The following STUB1 variants were observed in gnomAD, a reference collection of about 807,000 sequenced individuals.
STUB1 encodes STIP1 homology and U-box containing protein 1.
Under a neutral mutation model 40.3 loss-of-function variants are expected in STUB1, and 37 were observed. The ratio of observed to expected loss-of-function variants is 0.92; its 90% CI spans 0.71 to 1.21. STUB1 has a LOEUF of 1.21. Among genes scored for constraint, STUB1 ranks in the 50% most tolerant of loss-of-function variants. The pLI is 0.00. For missense variants in STUB1, 460 were observed against 421.9 expected (o/e 1.09, Z -0.79); for synonymous variants, 246 against 171.9 (o/e 1.43, Z -3.37).
rs374325615 is a variant in STUB1 at position 682,757 on chromosome 16, G to A, written c.*268G>A. ...AATCCGTGAGCACGAGGTGGGACGT[G>A]CTGGTGTGTGACCGGCAGTCCTGCC... On this transcript the variant is annotated 3_prime_UTR_variant, in exon 7 of 7. Transcript: ENST00000219548. 2.9e-5 allele frequency: 46 copies of A among 1,604,928 alleles called. No homozygotes were observed. Among genetic ancestry groups the A allele is most frequent in the Non-Finnish European group, 3.4e-5 (40 of 1,173,388 alleles).
At position 680,711 on chromosome 16, in the gene STUB1, G is replaced by A; in HGVS notation, c.159+27G>A. ...TGAGTGCGCCCGCGCGGGGAGGGCG[G>A]CGGCGGTGGCACCGGGGAGGGCCGG... On this transcript the variant is annotated intron_variant, in intron 1 of 6. Coordinates refer to ENST00000219548, the MANE Select transcript of STUB1 (RefSeq NM_005861.4). This position sits in a 1 kb window ranked among gnomAD's most constrained non-coding sequence, Gnocchi z 4.9. 1.7e-6 allele frequency: 2 copies of A among 1,207,886 alleles called. No individual in the cohort carries two copies. Among genetic ancestry groups the A allele is most frequent in the South Asian group, 3.9e-5 (1 of 25,804 alleles). 74.8% of individuals were successfully genotyped at this position (1,207,886 alleles called of 1,614,324 possible). A position where few individuals can be genotyped will look rare whatever the true frequency, so the allele number is the denominator to read the frequency against.
rs1442808845 is a variant in STUB1 at position 681,759 on chromosome 16, G to A, written c.525-34G>A. Reference sequence around the variant, plus strand: ...GGGGTGTGGTCAGACATCTGGCCAGGTCCATCTCTGACCGGCTCCTGGTCA... The same window carrying A: ...GGGGTGTGGTCAGACATCTGGCCAGATCCATCTCTGACCGGCTCCTGGTCA... On this transcript the variant is annotated intron_variant, in intron 3 of 6. Coordinates refer to ENST00000219548, the MANE Select transcript of STUB1 (RefSeq NM_005861.4). 5 of 1,571,498 alleles carry A rather than the reference G, an allele frequency of 3.2e-6. No homozygotes were observed. In the South Asian group the frequency reaches 5.8e-5, roughly 18 times the overall value.
chr16:682,340 C>A, intron 6 of STUB1, 24 bp from the exon 7 acceptor site: 1 of 1,613,032 alleles, frequency 6.2e-7, no homozygotes, highest in Middle Eastern at 1.6e-4. Flanking sequence ...CCATGACTGC[C>A]CTCTGCCCTT....
Position 681,330 on chromosome 16 carries a change from C to A in STUB1, c.338C>A (p.Ala113Asp). 6.2e-7 allele frequency: 1 copy of A among 1,612,888 alleles called. No individual in the cohort carries two copies. Among genetic ancestry groups the A allele is most frequent in the Non-Finnish European group, 8.5e-7 (1 of 1,179,954 alleles). The change falls in exon 2 of 7, where the codon GCC (alanine) becomes GAC (aspartate). Residue 113 changes from alanine to aspartate, a missense_variant. By Grantham distance (126) the Ala-to-Asp change is moderately radical. Transcript: ENST00000219548. ...CTGGAGATGGAGAGCTATGATGAGG[C>A]CATCGCCAATCTGCAGCGAGGTTGG... ...CQLEMESYDE[A>D]IANLQRAYSL...
rs941757224 is a variant in STUB1, at chr16:682,067, G to C, written c.660G>C (p.Glu220Asp). ...ACGAGCTTTTTTCTCAGGTGGATGA[G>C]AAGAGGAAGGTGAGTGTGTGTCGCT... ...DMDELFSQVDEKRKKRDIPDY... is the reference protein window; with the variant it reads ...DMDELFSQVDDKRKKRDIPDY... Residue 220 changes from glutamate to aspartate, a missense_variant, in exon 5 of 7, where the codon GAG becomes GAC. Transcript: ENST00000219548. 6.3e-7 allele frequency: 1 copy of C among 1,583,314 alleles called. No individual in the cohort carries two copies. The highest frequency in any genetic ancestry group is 1.3e-5 in the African/African-American group (1 of 74,602).
chr16:680,808 C>A lies in STUB1; in HGVS notation c.159+124C>A. On this transcript the variant is annotated intron_variant, in intron 1 of 6. Coordinates refer to ENST00000219548, the MANE Select transcript of STUB1 (RefSeq NM_005861.4). The surrounding 1 kb of genome is among the most constrained non-coding windows in gnomAD (Gnocchi z 4.9). ...CGTGTCCTCGGCTCCCAAAGCCCAG[C>A]CGTGGTTCTCGAGCCCAGCGCCGGG... 1 of 979,688 alleles carries A rather than the reference C, an allele frequency of 1.0e-6. No homozygotes were observed. The highest frequency in any genetic ancestry group is 1.3e-6 in the Non-Finnish European group (1 of 768,178). The allele number at this position is 979,688 out of a possible 1,614,324, so 60.7% of individuals were successfully genotyped here.
In STUB1 at chr16:682,180, G is replaced by T; in HGVS notation, c.685G>T (p.Asp229Tyr). The change falls in exon 6 of 7, where the codon GAC becomes TAC. Residue 229 changes from aspartate (D) to tyrosine (Y), a missense_variant. Coordinates refer to ENST00000219548, the MANE Select transcript of STUB1 (RefSeq NM_005861.4). The part of the protein sequence containing the change: ...DEKRKKRDIP[D>Y]YLCGKISFEL... Reference sequence around the variant, plus strand: ...TGTGCCACAGAAGCGAGACATCCCCGACTACCTGTGTGGCAAGATCAGCTT... The same window carrying T: ...TGTGCCACAGAAGCGAGACATCCCCTACTACCTGTGTGGCAAGATCAGCTT... The T allele has an allele frequency of 6.2e-7, 1 of 1,608,470 alleles. No individual in the cohort carries two copies. Among genetic ancestry groups the T allele is most frequent in the South Asian group, 1.1e-5 (1 of 90,990 alleles).
In STUB1 at chr16:681,821, G is replaced by C. The variant is rs757171182; in HGVS notation, c.553G>C (p.Glu185Gln). The part of the protein sequence containing the change: ...RELEECQRNH[E>Q]GDEDDSHVRA... ...GCTGGAAGAGTGCCAGCGAAACCAC[G>C]AGGGTGATGAGGACGACAGCCACGT... Residue 185 changes from glutamate (E) to glutamine (Q), a missense_variant, in exon 4 of 7, where the codon GAG (glutamate) becomes CAG (glutamine). Physicochemically the swap from Glu to Gln is conservative, Grantham distance 29 (BLOSUM62 2). Coordinates refer to ENST00000219548, the MANE Select transcript of STUB1 (RefSeq NM_005861.4). 6.8e-6 allele frequency: 11 copies of C among 1,607,450 alleles called. 1 individual carries two copies. Among genetic ancestry groups the C allele is most frequent in the Non-Finnish European group, 9.4e-6 (11 of 1,176,024 alleles).
rs1195990208 is a variant in STUB1, at chr16:680,912, C to T, written c.159+228C>T. On this transcript the variant is annotated intron_variant, in intron 1 of 6. Transcript: ENST00000219548. The surrounding 1 kb of genome is among the most constrained non-coding windows in gnomAD (Gnocchi z 4.9). Reference sequence around the variant, plus strand: ...GCAGGGGCCCTCGACCCTTGAGGACCCCAGGTCCTAAGCCCGGACTCTCCA... The same window carrying T: ...GCAGGGGCCCTCGACCCTTGAGGACTCCAGGTCCTAAGCCCGGACTCTCCA... The T allele has an allele frequency of 4.6e-6, 3 of 645,260 alleles. No homozygotes were observed. The highest frequency in any genetic ancestry group is 1.9e-5 in the African/African-American group (1 of 53,814). The allele number at this position is 645,260 out of a possible 1,614,324, so 40.0% of individuals were successfully genotyped here. A position where few individuals can be genotyped will look rare whatever the true frequency, so the allele number is the denominator to read the frequency against.
At chr16:682,125 G>A (rs1272501962) in intron 5 of STUB1, 40 bp from the exon 6 acceptor site, 3 of 1,589,182 alleles carry the variant, frequency 1.9e-6, no homozygotes, top group South Asian at 1.1e-5. Flanking sequence ...CTCGTGCAGT[G>A]CCCCTTTTCA....
rs2039631032 is a variant in STUB1, at chr16:680,449, G to GCGGGGCTC, written c.-73_-66dup. ...CCCGAGCGGATCGCGGGCTCGGGCT[G>GCGGGGCTC]CGGGGCTCCGGCTGCGGGCGCTGGG... On this transcript the variant is annotated 5_prime_UTR_variant, in exon 1 of 7. Transcript: ENST00000219548. The surrounding 1 kb of genome is among the most constrained non-coding windows in gnomAD (Gnocchi z 4.9). The GCGGGGCTC allele has an allele frequency of 1.7e-6, 2 of 1,147,058 alleles. No individual in the cohort carries two copies. The highest frequency in any genetic ancestry group is 2.1e-6 in the Non-Finnish European group (2 of 930,636). 71.1% of individuals were successfully genotyped at this position (1,147,058 alleles called of 1,614,324 possible).
At position 680,975 on chromosome 16, in the gene STUB1, G is replaced by GCGGATAGGC. The variant is rs2039641145; in HGVS notation, c.160-176_160-168dup. On this transcript the variant is annotated intron_variant, in intron 1 of 6. Coordinates refer to ENST00000219548, the MANE Select transcript of STUB1 (RefSeq NM_005861.4). This position sits in a 1 kb window ranked among gnomAD's most constrained non-coding sequence, Gnocchi z 4.9. ...ACTTTACAAAACCAAGTGGAATCAA[G>GCGGATAGGC]CGGATAGGCTCAGCCAGTACTCCAC... 2 of 718,194 alleles carry GCGGATAGGC rather than the reference G, an allele frequency of 2.8e-6. No homozygotes were observed. Among genetic ancestry groups the GCGGATAGGC allele is most frequent in the Non-Finnish European group, 4.4e-6 (2 of 449,772 alleles). The allele number at this position is 718,194 out of a possible 1,614,324, so 44.5% of individuals were successfully genotyped here.
Position 681,773 on chromosome 16 carries a change from G to C in STUB1, c.525-20G>C, listed in dbSNP as rs769775927. On this transcript the variant is annotated intron_variant, in intron 3 of 6. Coordinates refer to ENST00000219548, the MANE Select transcript of STUB1 (RefSeq NM_005861.4). Reference sequence around the variant, plus strand: ...CATCTGGCCAGGTCCATCTCTGACCGGCTCCTGGTCAACCCCCAGGGAGCT... The same window carrying C: ...CATCTGGCCAGGTCCATCTCTGACCCGCTCCTGGTCAACCCCCAGGGAGCT... 6.3e-7 allele frequency: 1 copy of C among 1,580,958 alleles called. No homozygotes were observed. Among genetic ancestry groups the C allele is most frequent in the Non-Finnish European group, 8.6e-7 (1 of 1,158,866 alleles).
chr16:680,638 T>C lies in STUB1; in HGVS notation c.113T>C (p.Val38Ala), dbSNP rs2039634555. The C allele has an allele frequency of 7.4e-7, 1 of 1,353,740 alleles. No homozygotes were observed. Among genetic ancestry groups the C allele is most frequent in the Non-Finnish European group, 9.6e-7 (1 of 1,042,354 alleles). 83.9% of individuals were successfully genotyped at this position (1,353,740 alleles called of 1,614,324 possible). Residue 38 changes from valine (V) to alanine (A), a missense_variant, in exon 1 of 7, where the codon GTG becomes GCG. Transcript: ENST00000219548. The surrounding 1 kb of genome is among the most constrained non-coding windows in gnomAD (Gnocchi z 4.9). The part of the protein sequence containing the change: ...ELKEQGNRLF[V>A]GRKYPEAAAC... ...AAGGAGCAGGGCAATCGTCTGTTCGTGGGCCGAAAGTACCCGGAGGCGGCG... is the reference window on the plus strand; with the variant it reads ...AAGGAGCAGGGCAATCGTCTGTTCGCGGGCCGAAAGTACCCGGAGGCGGCG...
rs1057326166 is a variant in STUB1, at chr16:682,688, G to C, written c.*199G>C. 1.1e-5 allele frequency: 16 copies of C among 1,442,982 alleles called. No homozygotes were observed. In the Admixed American group the frequency reaches 3.2e-4, roughly 29 times the overall value. 89.4% of individuals were successfully genotyped at this position (1,442,982 alleles called of 1,614,324 possible). On this transcript the variant is annotated 3_prime_UTR_variant, in exon 7 of 7. Transcript: ENST00000219548. ...TTTGTGGGCTGGAAAAGCAGGTGAG[G>C]GTGGGCTGGGCTGAGGCCATTGCCG... is the stretch of plus-strand genomic sequence containing the variant.
intron 3 of STUB1, 53 bp downstream of exon 3, chr16:681,656 C>T (rs2039657251): frequency 6.4e-7 from 1 of 1,572,900 alleles, no homozygotes; most frequent in South Asian, 1.1e-5. Flanking sequence ...GAATCACCGA[C>T]TCCCGACACA....
In STUB1 at chr16:682,185, C is replaced by G. The variant is rs1185371126; in HGVS notation, c.690C>G (p.Tyr230Ter). The G allele has an allele frequency of 6.2e-7, 1 of 1,609,584 alleles. No homozygotes were observed. Among genetic ancestry groups the G allele is most frequent in the Non-Finnish European group, 8.5e-7 (1 of 1,176,734 alleles). ...CACAGAAGCGAGACATCCCCGACTA[C>G]CTGTGTGGCAAGATCAGCTTTGAGC... ...EKRKKRDIPD[Y>*]LCGKISFELM... is the part of the protein sequence containing the mutation. Residue 230 changes from tyrosine (Y) to a stop codon, truncating the protein, a stop_gained, in exon 6 of 7, where the codon TAC becomes TAG. Transcript: ENST00000219548. LOFTEE classifies it high-confidence loss of function.
chr16:682,551 T>C lies in STUB1; in HGVS notation c.*62T>C, dbSNP rs1057294357. ...GCCCTGGGCAGAAGCCCCCGGCCCC[T>C]ATACATAGTTTATGTTCCTGGCCAC... On this transcript the variant is annotated 3_prime_UTR_variant, in exon 7 of 7. Transcript: ENST00000219548. 6 of 1,601,676 alleles carry C rather than the reference T, an allele frequency of 3.7e-6. No homozygotes were observed. The African/African-American group carries it at 6.7e-5, about 18-fold the overall frequency.
Position 680,656 on chromosome 16 carries a change from A to G in STUB1, c.131A>G (p.Glu44Gly), listed in dbSNP as rs759204523. 2 of 1,304,860 alleles carry G rather than the reference A, an allele frequency of 1.5e-6. No individual in the cohort carries two copies. The highest frequency in any genetic ancestry group is 2.0e-6 in the Non-Finnish European group (2 of 1,017,020). The allele number at this position is 1,304,860 out of a possible 1,614,324, so 80.8% of individuals were successfully genotyped here. Reference protein sequence around the residue: ...NRLFVGRKYPEAAACYGRAIT... With the variant: ...NRLFVGRKYPGAAACYGRAIT... ...CTGTTCGTGGGCCGAAAGTACCCGG[A>G]GGCGGCGGCCTGCTACGGCCGCGCG... Residue 44 changes from glutamate to glycine, a missense_variant, in exon 1 of 7, where the codon GAG becomes GGG. Transcript: ENST00000219548. The surrounding 1 kb of genome is among the most constrained non-coding windows in gnomAD (Gnocchi z 4.9).
Sources: gnomAD v4.1 joint callset for allele counts on GRCh38, gnomAD v4.1.1 for gene constraint, Gnocchi (gnomAD v3.1) non-coding constraint, MANE v1.5 for transcripts, NCBI Gene and HGNC (gene_info 2026-07-23, HGNC 2026-07-21) for gene names.